ADAM22: variants seen among roughly 807,000 people sequenced by gnomAD.
ADAM22 encodes the protein ADAM metallopeptidase domain 22.
A neutral mutation model predicts 144.6 loss-of-function variants in ADAM22; 65 were observed. That is an observed-to-expected ratio of 0.45 (90% CI 0.37 to 0.55). The LOEUF is 0.55. Ranked by LOEUF, ADAM22 falls within the 20% of genes least tolerant of loss-of-function variation. The pLI, the probability that ADAM22 is intolerant of heterozygous loss-of-function variation, is 0.00. For synonymous variants in ADAM22, 391 were observed against 412.6 expected, an observed-to-expected ratio of 0.95 and a Z score of 0.63; for missense variants, 974 against 1,184.9, an observed-to-expected ratio of 0.82 and a Z score of 2.61.
intron 30 of ADAM22, 144 bp downstream of exon 30, chr7:88,186,845 A>T: frequency 5.0e-6 from 3 of 596,988 alleles, no homozygotes; most frequent in Non-Finnish European, 8.8e-6. Flanking sequence ...CTGCCTTTTG[A>T]CTCTGTTTTT....
In ADAM22 at chr7:88,155,922, T is replaced by C; in HGVS notation, c.1823T>C (p.Ile608Thr). 1 of 1,613,424 alleles carries C rather than the reference T, an allele frequency of 6.2e-7. No individual in the cohort carries two copies. The highest frequency in any genetic ancestry group is 2.2e-5 in the East Asian group (1 of 44,810). Residue 608 changes from isoleucine to threonine, a missense_variant, in exon 22 of 32, where the codon ATT becomes ACT. Physicochemically the swap from Ile to Thr is moderately conservative, Grantham distance 89 (BLOSUM62 -1). Coordinates refer to ENST00000413139, the MANE Select transcript of ADAM22 (RefSeq NM_001324418.2). The part of the protein sequence containing the change: ...VLCGYLLCTN[I>T]GNIPRLGELD... ...TGTGGTTACCTTTTGTGTACCAATA[T>C]TGGCAATATCCCAAGGCTTGGAGAA...
intron 3 of ADAM22, among the ~76,000 whole-genome samples, chr7:88,046,050 A>G (rs1344701159): frequency 2.6e-5 from 4 of 152,134 alleles, no homozygotes; most frequent in African/African-American, 7.2e-5. Context: ...TCTCTTTGAC[A>G]TACTGATTTC....
rs1554357632 is a variant in ADAM22, at chr7:87,966,730, T to TTTTTG, written c.247-11602_247-11601insGTTTT. On this transcript the variant is annotated intron_variant, in intron 2 of 31. Transcript: ENST00000413139. ...TTATCCAAGGAAAGCCGTTTTTTTT[T>TTTTTG]TTTTTTTTTTTTTTTTTTTTTTGTG... Among the ~76,000 whole-genome samples the TTTTTG allele has an allele frequency of 1.5e-3, 199 of 128,742 alleles. 9 individuals carry two copies. The highest frequency in any genetic ancestry group is 5.6e-3 in the African/African-American group (191 of 33,886). The allele number at this position is 128,742 out of a possible 152,430, so 84.5% of individuals were successfully genotyped here. A position where few individuals can be genotyped will look rare whatever the true frequency, so the allele number is the denominator to read the frequency against.
chr7:88,186,866 C>A (rs1258181492), intron 30 of ADAM22, among the ~76,000 whole-genome samples, 165 bp downstream of exon 30: 1 of 152,068 alleles, frequency 6.6e-6, no homozygotes, highest in African/African-American at 2.4e-5. Context: ...GCTTCGTGAG[C>A]AAGTCTGGTT....
chr7:88,031,621 G>A (rs990455080), intron 3 of ADAM22, among the ~76,000 whole-genome samples: 6 of 152,210 alleles, frequency 3.9e-5, no homozygotes, highest in African/African-American at 1.4e-4. Context: ...TTCTTACCAT[G>A]TATGCTCAGA....
At chr7:88,164,493 T>C (rs941831468) in intron 23 of ADAM22, among the ~76,000 whole-genome samples, 2 of 151,970 alleles carry the variant, frequency 1.3e-5, no homozygotes, top group South Asian at 4.1e-4. Context: ...ATAAGAAAAA[T>C]TAATACAAGT....
chr7:88,018,270 A>G (rs1665387059), intron 3 of ADAM22, among the ~76,000 whole-genome samples: 1 of 152,090 alleles, frequency 6.6e-6, no homozygotes, highest in Admixed American at 6.6e-5. Flanking sequence ...GCACCCAGAA[A>G]CCACCGTTCT....
chr7:88,112,520 AATG>A (rs762331439), intron 5 of ADAM22, among the ~76,000 whole-genome samples: 2 of 152,218 alleles, frequency 1.3e-5, no homozygotes, highest in Admixed American at 6.5e-5. Flanking sequence ...CAGATGCCTG[AATG>A]ATAAGACAAG....
At chr7:87,943,771 C>T (rs1490622300) in intron 2 of ADAM22, among the ~76,000 whole-genome samples, 3 of 152,148 alleles carry the variant, frequency 2.0e-5, no homozygotes, top group Non-Finnish European at 4.4e-5. Flanking sequence ...TCTCCCCTAC[C>T]CCTAAATATG....
At chr7:87,995,734 C>T (rs938204539) in intron 3 of ADAM22, among the ~76,000 whole-genome samples, 1 of 152,184 alleles carries the variant, frequency 6.6e-6, no homozygotes, top group African/African-American at 2.4e-5. Context: ...GCATGACATT[C>T]ACCTGCTATA....
chr7:88,004,059 G>A (rs1417017930), intron 3 of ADAM22, among the ~76,000 whole-genome samples: 3 of 152,226 alleles, frequency 2.0e-5, no homozygotes, highest in South Asian at 2.1e-4. Flanking sequence ...AAGCAGAAGC[G>A]TCAGTAGCTG....
chr7:88,191,750 C>T (rs1383876054), intron 30 of ADAM22, among the ~76,000 whole-genome samples: 1 of 152,184 alleles, frequency 6.6e-6, no homozygotes, highest in Non-Finnish European at 1.5e-5. Flanking sequence ...AGAAATCAAA[C>T]AGCTGCTGTG....
At chr7:88,040,126 A>AT (rs561864153) in intron 3 of ADAM22, among the ~76,000 whole-genome samples, 31 of 147,950 alleles carry the variant, frequency 2.1e-4, no homozygotes, top group South Asian at 1.1e-3. Context: ...CAACACTTCC[A>AT]TTTTTTTTTT....
intron 2 of ADAM22, among the ~76,000 whole-genome samples, chr7:87,956,370 G>A (rs1477419783): frequency 6.6e-6 from 1 of 152,280 alleles, no homozygotes; most frequent in South Asian, 2.1e-4. Flanking sequence ...TACAGCTGTT[G>A]TGACTTTAGC....
chr7:88,081,451 CA>C (rs1816600551), intron 4 of ADAM22, among the ~76,000 whole-genome samples: 1 of 152,172 alleles, frequency 6.6e-6, no homozygotes, highest in Admixed American at 6.5e-5. Flanking sequence ...TGCCCTCTCT[CA>C]CCACTCCTAT....
intron 3 of ADAM22, among the ~76,000 whole-genome samples, chr7:87,982,068 T>TACACACACACAC (rs1175758724): frequency 7.5e-5 from 7 of 93,740 alleles, no homozygotes; most frequent in East Asian, 3.8e-4. Flanking sequence ...TATATATATA[T>TACACACACACAC]ACACACACAC....
chr7:88,140,125 G>A (rs1399026642), intron 14 of ADAM22, among the ~76,000 whole-genome samples: 1 of 152,066 alleles, frequency 6.6e-6, no homozygotes, highest in Non-Finnish European at 1.5e-5. Context: ...TTTAACAACC[G>A]AATCTCGTGT....
intron 2 of ADAM22, among the ~76,000 whole-genome samples, chr7:87,965,704 A>G (rs1439257939): frequency 6.6e-6 from 1 of 152,238 alleles, no homozygotes; most frequent in Non-Finnish European, 1.5e-5. Flanking sequence ...AATCAGGGAA[A>G]GAAAAATCCA....
chr7:87,998,719 T>G (rs1791833208), intron 3 of ADAM22, among the ~76,000 whole-genome samples: 1 of 152,154 alleles, frequency 6.6e-6, no homozygotes, highest in African/African-American at 2.4e-5. Flanking sequence ...GTCAGCTGGT[T>G]AGTACCCCTG....
Sources: gnomAD v4.1 joint callset for allele counts (sites outside exome capture counted in the v4.1 genomes callset) on GRCh38, gnomAD v4.1.1 for gene constraint, MANE v1.5 for transcripts, NCBI Gene and HGNC (gene_info 2026-07-23, HGNC 2026-07-21) for gene names.